Variants in IGDCC4 observed in about 807,000 individuals in gnomAD.
The protein encoded by IGDCC4 is immunoglobulin superfamily DCC subclass member 4, also known as likely ortholog of mouse neighbor of Punc E11.
In IGDCC4, 72 loss-of-function variants were observed where a neutral mutation model predicts 116.6. That is an observed-to-expected ratio of 0.62 (90% confidence interval 0.51 to 0.75). The LOEUF (loss-of-function observed/expected upper bound fraction) is 0.75, where lower values mean the gene tolerates loss of function less well. Ranked by LOEUF, IGDCC4 falls within the 30% of genes least tolerant of loss-of-function variation. The pLI, the probability that IGDCC4 is intolerant of heterozygous loss-of-function variation, is 0.00. For missense variants in IGDCC4, 1,501 were observed against 1,662.4 expected, an observed-to-expected ratio of 0.90 and a Z score of 1.69; for synonymous variants, 709 against 719.9, an observed-to-expected ratio of 0.98 and a Z score of 0.24.
At chr15:65,402,601 G>T (rs930255062) in intron 3 of IGDCC4, 114 bp from the exon 4 acceptor site, 23 of 1,351,150 alleles carry the variant, frequency 1.7e-5, no homozygotes, top group Non-Finnish European at 1.9e-5. Context: ...GGGCGCAGTG[G>T]CTCACGCCTA....
chr15:65,403,056 T>C (rs2140220932), intron 3 of IGDCC4, among the ~76,000 whole-genome samples: 1 of 152,318 alleles, frequency 6.6e-6, no homozygotes, highest in African/African-American at 2.4e-5. Flanking sequence ...TCTAGGGCTC[T>C]ATCCCACAGA....
At chr15:65,401,583 T>C (rs1222255199) in intron 4 of IGDCC4, among the ~76,000 whole-genome samples, 1 of 132,444 alleles carries the variant, frequency 7.6e-6, no homozygotes, top group African/African-American at 2.7e-5. Context: ...AGGAACAGGA[T>C]GGGGACGGGG....
chr15:65,386,891 A>G (rs1005489357), intron 16 of IGDCC4, among the ~76,000 whole-genome samples: 3 of 152,132 alleles, frequency 2.0e-5, no homozygotes, highest in African/African-American at 7.2e-5. Context: ...CTCTGCCTCA[A>G]ACTGGCCTTT....
At chr15:65,422,739 C>T (rs1419130633) in intron 1 of IGDCC4, 54 bp downstream of exon 1, 7 of 1,288,048 alleles carry the variant, frequency 5.4e-6, no homozygotes, top group Admixed American at 4.1e-5. Context: ...GACCAGGGCG[C>T]GGGCGCACCA....
At position 65,411,059 on chromosome 15, in the gene IGDCC4, C is replaced by T. The variant is rs771022173; in HGVS notation, c.382G>A (p.Gly128Arg). 1.4e-5 allele frequency: 23 copies of T among 1,613,578 alleles called. No homozygotes were observed. Among genetic ancestry groups the T allele is most frequent in the East Asian group, 6.7e-5 (3 of 44,884 alleles). The change falls in exon 2 of 20, where the codon GGA (glycine) becomes AGA (arginine). Residue 128 changes from glycine to arginine, a missense_variant. Transcript: ENST00000352385. ...NYSCLAHGPL[G>R]VLASQTAVVK... ...ACAGCAGTCTGGCTGGCCAGCACTCCGAGGGGGCCGTGGGCTAGGCACGAA... is the reference window on the plus strand; with the variant it reads ...ACAGCAGTCTGGCTGGCCAGCACTCTGAGGGGGCCGTGGGCTAGGCACGAA...
intron 13 of IGDCC4, among the ~76,000 whole-genome samples, chr15:65,389,901 C>T (rs2140195219): frequency 6.6e-6 from 1 of 152,284 alleles, no homozygotes; most frequent in African/African-American, 2.4e-5. Context: ...TCCTGTGTCA[C>T]ATTCTCCGGA....
At chr15:65,396,372 A>C in intron 6 of IGDCC4, 1 of 667,588 alleles carries the variant, frequency 1.5e-6, no homozygotes, top group Non-Finnish European at 2.7e-6. Context: ...CACAACGACC[A>C]TTCTCTTTCT....
rs896083734 is a variant in IGDCC4 at position 65,389,479 on chromosome 15, T to G, written c.2409-68A>C. 1.6e-5 allele frequency: 26 copies of G among 1,606,778 alleles called. No individual in the cohort carries two copies. The African/African-American group carries it at 3.2e-4, about 20-fold the overall frequency. ...TCCCAGCAGGGCAGACTCCTCCAAATCTACTCCCCTGCAGTCAGCCCCAGC... is the reference window on the plus strand; with the variant it reads ...TCCCAGCAGGGCAGACTCCTCCAAAGCTACTCCCCTGCAGTCAGCCCCAGC... On this transcript the variant is annotated intron_variant, in intron 13 of 19. Coordinates refer to ENST00000352385, the MANE Select transcript of IGDCC4 (RefSeq NM_020962.3).
intron 13 of IGDCC4, among the ~76,000 whole-genome samples, 170 bp downstream of exon 13, chr15:65,389,985 G>A (rs969712590): frequency 6.6e-6 from 1 of 152,200 alleles, no homozygotes; most frequent in Non-Finnish European, 1.5e-5. Context: ...CAGCAGGCAA[G>A]GACGTGGACC....
intron 16 of IGDCC4, among the ~76,000 whole-genome samples, chr15:65,387,872 G>A (rs193165546): frequency 9.7e-4 from 147 of 152,298 alleles, no homozygotes; most frequent in African/African-American, 3.4e-3. Flanking sequence ...CACTTTGGGA[G>A]GACGAGGTGG....
intron 3 of IGDCC4, among the ~76,000 whole-genome samples, chr15:65,402,923 T>C (rs1188197648): frequency 3.9e-5 from 6 of 151,960 alleles, no homozygotes; most frequent in Admixed American, 3.9e-4. Flanking sequence ...TTGGTGAAAA[T>C]CAGAAGGCTT....
chr15:65,386,123 C>G, intron 17 of IGDCC4, 64 bp from the exon 18 acceptor site: 1 of 1,037,584 alleles, frequency 9.6e-7, no homozygotes, highest in Non-Finnish European at 1.4e-6. Flanking sequence ...GGGCTGGGAT[C>G]TGGTCCAGCC....
rs2091452152 is a variant in IGDCC4 at position 65,385,930 on chromosome 15, C to T, written c.3081G>A (p.Gln1027=). The change falls in exon 18 of 20, where the codon CAG becomes CAA. Residue 1027 remains glutamine (Q), a synonymous_variant. Transcript: ENST00000352385. The stretch of plus-strand genomic sequence containing the variant: ...CGTCTGAGGGTGGCGGGGACCAGTC[C>T]TGGGGATGGGGGTGCACAAGGGACT... ...ELESLVHPHP[Q]DWSPPPSDVE... 4 of 1,609,058 alleles carry T rather than the reference C, an allele frequency of 2.5e-6. No homozygotes were observed. Among genetic ancestry groups the T allele is most frequent in the Non-Finnish European group, 3.4e-6 (4 of 1,178,758 alleles).
chr15:65,422,547 C>G (rs2063202842), intron 1 of IGDCC4, among the ~76,000 whole-genome samples: 1 of 151,562 alleles, frequency 6.6e-6, no homozygotes, highest in Non-Finnish European at 1.5e-5. Context: ...CACACACACA[C>G]ACACACACAC....
intron 1 of IGDCC4, among the ~76,000 whole-genome samples, chr15:65,416,910 T>C (rs1734998373): frequency 6.6e-6 from 1 of 152,158 alleles, no homozygotes; most frequent in Admixed American, 6.5e-5. Context: ...GCTGCTGAGC[T>C]CCAGGGCCAG....
At chr15:65,385,535 T>C in intron 18 of IGDCC4, 1 of 558,820 alleles carries the variant, frequency 1.8e-6, no homozygotes, top group Non-Finnish European at 3.2e-6. Flanking sequence ...TGTCTGGGTC[T>C]CAGAGGTCTC....
In IGDCC4 at chr15:65,384,169, G is replaced by A. The variant is rs1024192067; in HGVS notation, c.3593C>T (p.Thr1198Ile). The A allele has an allele frequency of 6.2e-7, 1 of 1,613,588 alleles. No homozygotes were observed. Among genetic ancestry groups the A allele is most frequent in the African/African-American group, 1.3e-5 (1 of 75,020 alleles). ...AGCACTGGCTGCCTCTGGCAAGCAGGTAAGTCTGTCTGGCCCGGGGGCTGC... is the reference window on the plus strand; with the variant it reads ...AGCACTGGCTGCCTCTGGCAAGCAGATAAGTCTGTCTGGCCCGGGGGCTGC... ...ELAAPGPDRLTCLPEAASASC... is the reference protein window; with the variant it reads ...ELAAPGPDRLICLPEAASASC... Residue 1198 changes from threonine (T) to isoleucine (I), a missense_variant, in exon 20 of 20, where the codon ACC becomes ATC. Around this residue, in one of 3 missense-constraint regions of IGDCC4, gnomAD observed 368 missense variants for 355.6 expected, o/e 1.03. Transcript: ENST00000352385. This position sits in a 1 kb window ranked among gnomAD's most constrained non-coding sequence, Gnocchi z 4.9.
chr15:65,388,756 C>T (rs1555434157), intron 15 of IGDCC4, 52 bp downstream of exon 15: 7 of 1,609,262 alleles, frequency 4.3e-6, no homozygotes, highest in African/African-American at 2.7e-5. Flanking sequence ...CTGCTGGAAG[C>T]GGGAGAGGCT....
At position 65,394,547 on chromosome 15, in the gene IGDCC4, G is replaced by T; in HGVS notation, c.1578C>A (p.Val526=). The change falls in exon 9 of 20, where the codon GTC becomes GTA. Residue 526 remains valine (V), a splice_region_variant and synonymous_variant. Transcript: ENST00000352385. The part of the protein sequence containing the change: ...TPALVHTLDD[V]PSAAPQLSLS... The stretch of plus-strand genomic sequence containing the variant: ...GGGAGAGCTGGGGTGCTGCACTGGG[G>T]ACTGAGACAGAAGAACATCAGCATG... The T allele has an allele frequency of 6.3e-7, 1 of 1,596,528 alleles. No individual in the cohort carries two copies. The highest frequency in any genetic ancestry group is 8.5e-7 in the Non-Finnish European group (1 of 1,171,014).
Sources: gnomAD v4.1 joint callset for allele counts (sites outside exome capture counted in the v4.1 genomes callset) on GRCh38, gnomAD v4.1.1 for gene constraint, gnomAD v4.1.1 regional missense constraint, Gnocchi (gnomAD v3.1) non-coding constraint, MANE v1.5 for transcripts, NCBI Gene and HGNC (gene_info 2026-07-23, HGNC 2026-07-21) for gene names.